SLC2A9: variants seen among roughly 807,000 people sequenced by gnomAD.
The protein encoded by SLC2A9 is solute carrier family 2, facilitated glucose transporter member 9.
Under a neutral mutation model 50.6 loss-of-function variants are expected in SLC2A9, and 39 were observed. That is an observed-to-expected ratio of 0.77 (90% confidence interval 0.60 to 1.01). The LOEUF is 1.01. SLC2A9 is among the 50% of genes least tolerant of loss of function. The pLI is 0.00. For missense variants in SLC2A9, 686 were observed against 677.6 expected, an observed-to-expected ratio of 1.01 and a Z score of -0.14; for synonymous variants, 324 against 276.9, an observed-to-expected ratio of 1.17 and a Z score of -1.69.
intron 10 of SLC2A9, among the ~76,000 whole-genome samples, chr4:9,842,291 C>A (rs1269378024): frequency 6.6e-6 from 1 of 152,170 alleles, no homozygotes; most frequent in Non-Finnish European, 1.5e-5. Context: ...GTAGGTGCTG[C>A]TCATCTGAAA....
chr4:9,963,102 A>G (rs777264240), intron 5 of SLC2A9, among the ~76,000 whole-genome samples: 1 of 152,216 alleles, frequency 6.6e-6, no homozygotes, highest in Non-Finnish European at 1.5e-5. Context: ...TCTCACAATC[A>G]TGGCCAAAGG....
chr4:9,962,018 A>C (rs1752346041), intron 5 of SLC2A9, among the ~76,000 whole-genome samples: 2 of 152,264 alleles, frequency 1.3e-5, no homozygotes, highest in South Asian at 4.1e-4. Context: ...ACAGTGAGAT[A>C]CCAATCTCAT....
downstream of SLC2A9, among the ~76,000 whole-genome samples, chr4:9,824,089 G>C (rs914607522): frequency 6.6e-6 from 1 of 152,186 alleles, no homozygotes; most frequent in Non-Finnish European, 1.5e-5. Flanking sequence ...TGGGTCATGA[G>C]AGCCCTCATG....
chr4:9,867,050 C>G (rs767195364), intron 10 of SLC2A9, among the ~76,000 whole-genome samples: 6 of 152,182 alleles, frequency 3.9e-5, no homozygotes, highest in African/African-American at 1.4e-4. Flanking sequence ...TTTTTGTCAG[C>G]GTGAATCTTG....
intron 5 of SLC2A9, among the ~76,000 whole-genome samples, chr4:9,954,359 T>C (rs1384060168): frequency 1.3e-5 from 2 of 152,256 alleles, no homozygotes; most frequent in Non-Finnish European, 2.9e-5. Flanking sequence ...ACTATATTTG[T>C]TTGGACCTAG....
At chr4:9,790,646 T>G (rs974956082) in intron 3 of SLC2A9, among the ~76,000 whole-genome samples, 5 of 152,172 alleles carry the variant, frequency 3.3e-5, no homozygotes, top group African/African-American at 9.7e-5. Flanking sequence ...CCATTCTGGG[T>G]CTCTCCGTAG....
chr4:9,859,146 G>T (rs187945857), intron 10 of SLC2A9, among the ~76,000 whole-genome samples: 77 of 152,164 alleles, frequency 5.1e-4, no homozygotes, highest in African/African-American at 1.7e-3. Context: ...CTTGCAAATG[G>T]TCTATCGTGG....
At chr4:9,825,360 T>A (rs1724966075), downstream of SLC2A9, among the ~76,000 whole-genome samples, 1 of 152,216 alleles carries the variant, frequency 6.6e-6, no homozygotes, top group African/African-American at 2.4e-5. Flanking sequence ...ACAGTCAAGA[T>A]GAGTAATCAC....
chr4:9,981,136 CGATGG>C (rs1755692092), intron 4 of SLC2A9, among the ~76,000 whole-genome samples: 1 of 33,818 alleles, frequency 3.0e-5, no homozygotes, highest in African/African-American at 1.3e-4. Flanking sequence ...GTAATGATGG[CGATGG>C]TGACGGTGAT....
intron 5 of SLC2A9, among the ~76,000 whole-genome samples, chr4:9,950,401 A>C (rs1249479295): frequency 6.6e-6 from 1 of 152,182 alleles, no homozygotes; most frequent in Non-Finnish European, 1.5e-5. Flanking sequence ...GTCATCTTTC[A>C]AGAAATGCTC....
At chr4:9,907,941 C>T (rs180955824) in intron 8 of SLC2A9, among the ~76,000 whole-genome samples, 4 of 152,272 alleles carry the variant, frequency 2.6e-5, no homozygotes, top group Admixed American at 2.6e-4. Context: ...GCCTTAGGTT[C>T]CCACATTGCA....
intron 2 of SLC2A9, among the ~76,000 whole-genome samples, chr4:10,018,658 C>T (rs565820219): frequency 2.6e-5 from 4 of 152,308 alleles, no homozygotes; most frequent in South Asian, 4.1e-4. Flanking sequence ...CTGGTTCTTT[C>T]CCCGGCATTA....
chr4:10,039,827 C>T (rs2109602600), intron 1 of SLC2A9, among the ~76,000 whole-genome samples: 1 of 152,268 alleles, frequency 6.6e-6, no homozygotes, highest in Non-Finnish European at 1.5e-5. Flanking sequence ...CCTTAGATGG[C>T]TTTTAGTTGC....
chr4:9,796,678 G>C (rs1720632693), downstream of SLC2A9, among the ~76,000 whole-genome samples: 1 of 152,158 alleles, frequency 6.6e-6, no homozygotes, highest in Non-Finnish European at 1.5e-5. Context: ...GGTCAGCTGT[G>C]GTTCTACAGG....
Position 9,817,961 on chromosome 4 carries a change from G to C in SLC2A9, n.420+8459C>G, listed in dbSNP as rs530880107. Reference sequence around the variant, plus strand: ...TTGTGCCGCATTCTTGGATTGACCAGTGAGTACGTGGCTAGGCACTGTTTT... The same window carrying C: ...TTGTGCCGCATTCTTGGATTGACCACTGAGTACGTGGCTAGGCACTGTTTT... On this transcript the variant is annotated intron_variant and non_coding_transcript_variant, in intron 3 of 3. Coordinates refer to the SLC2A9 transcript ENST00000503280. Among the ~76,000 whole-genome samples, 3 of 152,322 alleles carry C rather than the reference G, an allele frequency of 2.0e-5. No individual in the cohort carries two copies. In the South Asian group the frequency reaches 6.2e-4, roughly 32 times the overall value.
At chr4:9,810,892 C>T (rs1480786445) in intron 3 of SLC2A9, among the ~76,000 whole-genome samples, 29 of 152,210 alleles carry the variant, frequency 1.9e-4, no homozygotes, top group Admixed American at 1.9e-3. Context: ...GCTCTCACCG[C>T]TGATCATCAT....
chr4:9,969,642 C>T (rs554746356), intron 5 of SLC2A9, among the ~76,000 whole-genome samples: 58 of 152,280 alleles, frequency 3.8e-4, no homozygotes, highest in Admixed American at 7.8e-4. Flanking sequence ...TTAATAGACT[C>T]ACAGTTCCCC....
At chr4:9,783,714 T>C in intron 3 of SLC2A9, 1 of 485,082 alleles carries the variant, frequency 2.1e-6, no homozygotes. Flanking sequence ...GAGAAGAGAG[T>C]ATGGTGCTGG....
intron 3 of SLC2A9, among the ~76,000 whole-genome samples, chr4:9,990,324 A>G (rs757669608): frequency 3.3e-4 from 50 of 152,100 alleles, no homozygotes; most frequent in Non-Finnish European, 6.5e-4. Context: ...CCATCCTTCC[A>G]TTTATCCAAC....
Sources: allele counts gnomAD v4.1 joint callset (sites outside exome capture counted in the v4.1 genomes callset), GRCh38; gene constraint gnomAD v4.1.1; transcripts MANE v1.5; gene names NCBI Gene and HGNC (gene_info 2026-07-23, HGNC 2026-07-21).